PCDHGB1: variants seen among roughly 807,000 people sequenced by gnomAD.
PCDHGB1 encodes the protein protocadherin gamma subfamily B, 1, also known as protocadherin gamma-B1.
PCDHGB1 carries 34 observed loss-of-function variants against 56.6 expected under a neutral mutation model. That is an observed-to-expected ratio of 0.60 (90% confidence interval 0.46 to 0.80). The LOEUF (loss-of-function observed/expected upper bound fraction) is 0.80, where lower values mean the gene tolerates loss of function less well. PCDHGB1 is among the 30% of genes least tolerant of loss of function. PCDHGB1 has a pLI of 0.00. For synonymous variants in PCDHGB1, 561 were observed against 505.9 expected (o/e 1.11, Z -1.46); for missense variants, 1,278 against 1,204.6 (o/e 1.06, Z -0.90).
At chr5:141,399,125 T>C in intron 1 of PCDHGB1, 1 of 1,613,834 alleles carries the variant, frequency 6.2e-7, no homozygotes, top group South Asian at 1.1e-5. Context: ...GAAATTAATA[T>C]TCAAGATGAA....
At chr5:141,383,537 C>T in intron 1 of PCDHGB1, 1 of 1,612,570 alleles carries the variant, frequency 6.2e-7, no homozygotes, top group African/African-American at 1.3e-5. Flanking sequence ...CTGGTCCTCA[C>T]AGCCTCTGAT....
chr5:141,410,553 C>T, intron 1 of PCDHGB1: 1 of 1,613,232 alleles, frequency 6.2e-7, no homozygotes. Context: ...TGCAGTGTTT[C>T]TCCTGGAGCC....
intron 1 of PCDHGB1, among the ~76,000 whole-genome samples, chr5:141,460,684 T>C (rs1417815686): frequency 6.6e-6 from 1 of 152,074 alleles, no homozygotes; most frequent in Non-Finnish European, 1.5e-5. Context: ...TATCTATATA[T>C]CCACCAACAG....
chr5:141,421,216 T>G, intron 1 of PCDHGB1: 1 of 1,567,154 alleles, frequency 6.4e-7, no homozygotes, highest in Non-Finnish European at 8.6e-7. Flanking sequence ...GAATATCGGC[T>G]TAGAGCCTGC....
Position 141,422,444 on chromosome 5 carries a change from T to TA in PCDHGB1, c.2409+69777dup, listed in dbSNP as rs1171104340. 1.9e-6 allele frequency: 3 copies of TA among 1,610,490 alleles called. No homozygotes were observed. The Admixed American group carries it at 5.1e-5, about 27-fold the overall frequency. ...ACTTATGGAAATTATTACAAATTGA[T>TA]AACAAGCAGAGTGCTGGACAGGGAG... On this transcript the variant is annotated intron_variant, in intron 1 of 3. Coordinates refer to ENST00000523390, the MANE Select transcript of PCDHGB1 (RefSeq NM_018922.3).
In PCDHGB1 at chr5:141,431,135, A is replaced by T. The variant is rs140069213; in HGVS notation, c.2410-63672A>T. On this transcript the variant is annotated intron_variant, in intron 1 of 3. Transcript: ENST00000523390. This position sits in a 1 kb window ranked among gnomAD's most constrained non-coding sequence, Gnocchi z 4.8. ...TGGAGTAGAAGTAGAAGTAAGGGAC[A>T]TTAACGACAATGCGCCTTACTTTCG... 1 of 1,614,266 alleles carries T rather than the reference A, an allele frequency of 6.2e-7. No homozygotes were observed. Among genetic ancestry groups the T allele is most frequent in the African/African-American group, 1.3e-5 (1 of 75,078 alleles).
chr5:141,436,501 G>A (rs1382579407), intron 1 of PCDHGB1, among the ~76,000 whole-genome samples: 1 of 152,118 alleles, frequency 6.6e-6, no homozygotes, highest in Admixed American at 6.5e-5. Context: ...TTGCAATTAG[G>A]TAAATTGTTA....
intron 1 of PCDHGB1, among the ~76,000 whole-genome samples, chr5:141,452,388 A>G (rs892688242): frequency 3.9e-5 from 6 of 152,210 alleles, no homozygotes; most frequent in Non-Finnish European, 5.9e-5. Flanking sequence ...TAGTATTTAG[A>G]AACTAAGATC....
At chr5:141,394,754 G>T (rs753264235) in intron 1 of PCDHGB1, 2 of 1,613,428 alleles carry the variant, frequency 1.2e-6, no homozygotes, top group Non-Finnish European at 1.7e-6. Context: ...TGGCCGTCCA[G>T]GACCATGGCC....
rs755321974 is a variant in PCDHGB1 at position 141,365,861 on chromosome 5, A to G, written c.2409+13192A>G. ...CTCCTATGTATCCATTAACTCTGAC[A>G]CCGGTGTCCTGTATGCTCTGAGATC... On this transcript the variant is annotated intron_variant, in intron 1 of 3. Coordinates refer to ENST00000523390, the MANE Select transcript of PCDHGB1 (RefSeq NM_018922.3). The G allele has an allele frequency of 2.5e-5, 40 of 1,613,912 alleles. No individual in the cohort carries two copies. The highest frequency in any genetic ancestry group is 1.6e-4 in the Middle Eastern group (1 of 6,084).
At chr5:141,374,174 A>T in intron 1 of PCDHGB1, 1 of 1,613,482 alleles carries the variant, frequency 6.2e-7, no homozygotes, top group South Asian at 1.1e-5. Flanking sequence ...GGCAGCGCAG[A>T]TCCGCTACTC....
In PCDHGB1 at chr5:141,485,109, C is replaced by A; in HGVS notation, c.2410-9698C>A. ...AGATAGGTGTCTCCAGCTGCTGTGG[C>A]TGTTTGGGGCGGGTCGGCTTCATCC... On this transcript the variant is annotated intron_variant, in intron 1 of 3. Transcript: ENST00000523390. This position sits in a 1 kb window ranked among gnomAD's most constrained non-coding sequence, Gnocchi z 5.7. The A allele has an allele frequency of 1.6e-6, 2 of 1,230,962 alleles. No individual in the cohort carries two copies. The highest frequency in any genetic ancestry group is 2.4e-6 in the Non-Finnish European group (2 of 850,024). The allele number at this position is 1,230,962 out of a possible 1,614,324, so 76.3% of individuals were successfully genotyped here.
intron 1 of PCDHGB1, among the ~76,000 whole-genome samples, chr5:141,473,431 G>T (rs541546681): frequency 3.3e-5 from 5 of 152,148 alleles, no homozygotes; most frequent in Non-Finnish European, 7.3e-5. Flanking sequence ...CAGATACTTT[G>T]CTTATGCAAA....
At position 141,476,318 on chromosome 5, in the gene PCDHGB1, G is replaced by A. The variant is rs767809530; in HGVS notation, c.2410-18489G>A. ...TAGCCTCTCAGCCCGCAGGTTCCGG[G>A]TGGTGTCTGGAGCTAGCCGAAGATT... is the stretch of plus-strand genomic sequence containing the variant. On this transcript the variant is annotated intron_variant, in intron 1 of 3. Coordinates refer to ENST00000523390, the MANE Select transcript of PCDHGB1 (RefSeq NM_018922.3). This position sits in a 1 kb window ranked among gnomAD's most constrained non-coding sequence, Gnocchi z 7.6. The A allele has an allele frequency of 6.2e-6, 10 of 1,614,084 alleles. No homozygotes were observed. Among genetic ancestry groups the A allele is most frequent in the Non-Finnish European group, 7.6e-6 (9 of 1,180,060 alleles).
intron 1 of PCDHGB1, chr5:141,364,905 C>T (rs1326447228): frequency 2.5e-6 from 4 of 1,613,944 alleles, no homozygotes; most frequent in African/African-American, 2.7e-5. Context: ...CAAAAGTATC[C>T]GGAGCTGGTG....
chr5:141,353,359 A>C (rs1759255864), intron 1 of PCDHGB1, among the ~76,000 whole-genome samples: 1 of 152,224 alleles, frequency 6.6e-6, no homozygotes, highest in Non-Finnish European at 1.5e-5. Context: ...TTAATTATGT[A>C]ATTGATGTAA....
intron 1 of PCDHGB1, among the ~76,000 whole-genome samples, chr5:141,425,410 A>G (rs1283299220): frequency 2.0e-5 from 3 of 152,240 alleles, no homozygotes; most frequent in African/African-American, 7.2e-5. Flanking sequence ...TTAAGGTATA[A>G]CATATAGTCC....
intron 1 of PCDHGB1, chr5:141,403,682 C>T (rs1456832899): frequency 1.3e-5 from 21 of 1,613,810 alleles, no homozygotes; most frequent in Non-Finnish European, 1.1e-5. Flanking sequence ...GGTTTTTGCT[C>T]AACGGATTTA....
chr5:141,421,054 A>C, intron 1 of PCDHGB1: 2 of 571,978 alleles, frequency 3.5e-6, no homozygotes, highest in Non-Finnish European at 6.0e-6. Context: ...CGCCTCTACC[A>C]CACAAAGCGG....
Sources: allele counts gnomAD v4.1 joint callset (sites outside exome capture counted in the v4.1 genomes callset), GRCh38; gene constraint gnomAD v4.1.1; non-coding constraint Gnocchi (gnomAD v3.1); transcripts MANE v1.5; gene names NCBI Gene and HGNC (gene_info 2026-07-23, HGNC 2026-07-21).